RIOK1: variants seen among roughly 807,000 people sequenced by gnomAD.
The protein encoded by RIOK1 is RIO kinase 1, also known as serine/threonine-protein kinase RIO1.
A neutral mutation model predicts 73.5 loss-of-function variants in RIOK1; 66 were observed. That is an observed-to-expected ratio of 0.90 (90% confidence interval 0.74 to 1.10). RIOK1 has a LOEUF of 1.10. Among genes scored for constraint, RIOK1 ranks in the 50% least tolerant of loss-of-function variants. The probability of loss-of-function intolerance (pLI) is 0.00; values close to 1 mark genes in which losing one functional copy is unlikely to be tolerated. For synonymous variants in RIOK1, 224 were observed against 226.8 expected (o/e 0.99, Z 0.11); for missense variants, 658 against 699.8 (o/e 0.94, Z 0.67).
chr6:7,404,433 G>C lies in RIOK1; in HGVS notation c.870G>C (p.Leu290Phe). The C allele has an allele frequency of 6.2e-7, 1 of 1,614,106 alleles. No individual in the cohort carries two copies. The highest frequency in any genetic ancestry group is 8.5e-7 in the Non-Finnish European group (1 of 1,180,016). ...TTCATTCAAGGCCTGCACCACTCTT[G>C]AAAAATGTCCAGTTATCAGAATCCA... ...IGKDDMPAPL[L>F]KNVQLSESKA... is the part of the protein sequence containing the mutation. The change falls in exon 10 of 17, where the codon TTG becomes TTC. Residue 290 changes from leucine to phenylalanine, a missense_variant. By Grantham distance (22) the Leu-to-Phe change is conservative. Coordinates refer to ENST00000379834, the MANE Select transcript of RIOK1 (RefSeq NM_031480.3).
At chr6:7,410,636 A>G (rs994484160) in intron 13 of RIOK1, among the ~76,000 whole-genome samples, 185 bp downstream of exon 13, 2 of 152,150 alleles carry the variant, frequency 1.3e-5, no homozygotes, top group Non-Finnish European at 2.9e-5. Flanking sequence ...TTTACATTTC[A>G]CTGTATTGGT....
rs1447139701 is a variant in RIOK1 at position 7,404,020 on chromosome 6, G to A, written c.847G>A (p.Asp283Asn). 1 of 1,606,440 alleles carries A rather than the reference G, an allele frequency of 6.2e-7. No homozygotes were observed. The highest frequency in any genetic ancestry group is 1.1e-5 in the South Asian group (1 of 90,860). Residue 283 changes from aspartate (D) to asparagine (N), a missense_variant, in exon 9 of 17, where the codon GAT (aspartate) becomes AAT (asparagine). Transcript: ENST00000379834. ...HVLVMSFIGKDDMPAPLLKNV... is the reference protein window; with the variant it reads ...HVLVMSFIGKNDMPAPLLKNV... ...TCTTGTCATGAGTTTCATCGGTAAAGATGACATGTAAGTACATGGAAGGGC... is the reference window on the plus strand; with the variant it reads ...TCTTGTCATGAGTTTCATCGGTAAAAATGACATGTAAGTACATGGAAGGGC...
chr6:7,393,230 A>G lies in RIOK1; in HGVS notation c.203A>G (p.Asp68Gly), dbSNP rs767983986. 60 of 1,613,872 alleles carry G rather than the reference A, an allele frequency of 3.7e-5. No individual in the cohort carries two copies. Among genetic ancestry groups the G allele is most frequent in the Non-Finnish European group, 5.1e-5 (60 of 1,179,892 alleles). Reference protein sequence around the residue: ...EEEEGYDDDDDDWDWDEGVGK... With the variant: ...EEEEGYDDDDGDWDWDEGVGK... ...GAGGAGGGTTATGACGATGATGATG[A>G]TGACTGGGACTGGGATGAAGGAGTT... Residue 68 changes from aspartate (D) to glycine (G), a missense_variant, in exon 2 of 17, where the codon GAT (aspartate) becomes GGT (glycine). By Grantham distance (94) the Asp-to-Gly change is moderately conservative. Transcript: ENST00000379834.
chr6:7,396,611 GA>G (rs1400952405), intron 3 of RIOK1, 91 bp from the exon 4 acceptor site: 19 of 678,358 alleles, frequency 2.8e-5, no homozygotes, highest in Non-Finnish European at 4.7e-5. Flanking sequence ...GTGTAGAAGA[GA>G]AGGAAGAGGG....
chr6:7,416,643 C>CAAAA (rs34401192), intron 16 of RIOK1, among the ~76,000 whole-genome samples: 2 of 113,520 alleles, frequency 1.8e-5, no homozygotes, highest in South Asian at 2.8e-4. Flanking sequence ...GACTCCGTCT[C>CAAAA]AAAAAAAAAA....
intron 3 of RIOK1, among the ~76,000 whole-genome samples, chr6:7,395,570 A>G (rs1761454185): frequency 6.6e-6 from 1 of 152,096 alleles, no homozygotes; most frequent in African/African-American, 2.4e-5. Flanking sequence ...TAACTCAATA[A>G]TGTTTAGAGA....
At position 7,417,412 on chromosome 6, in the gene RIOK1, A is replaced by G; in HGVS notation, c.1678A>G (p.Lys560Glu). 1 of 1,562,246 alleles carries G rather than the reference A, an allele frequency of 6.4e-7. No individual in the cohort carries two copies. The highest frequency in any genetic ancestry group is 8.7e-7 in the Non-Finnish European group (1 of 1,153,642). The change falls in exon 17 of 17, where the codon AAG becomes GAG. Residue 560 changes from lysine to glutamate, a missense_variant. Physicochemically the swap from Lys to Glu is moderately conservative, Grantham distance 56. Transcript: ENST00000379834. ...TAAACATGTGAAAAAAAGAAAGGAG[A>G]AGACAGCCAAGACGAAAAAAGGCAA... ...IPKHVKKRKE[K>E]TAKTKKGK
At chr6:7,390,604 G>T (rs933452803) in intron 1 of RIOK1, among the ~76,000 whole-genome samples, 1 of 152,194 alleles carries the variant, frequency 6.6e-6, no homozygotes, top group Non-Finnish European at 1.5e-5. Context: ...GAATGACAAG[G>T]AGCTAATCCT....
At chr6:7,397,462 G>A (rs1397697598) in intron 4 of RIOK1, among the ~76,000 whole-genome samples, 1 of 152,020 alleles carries the variant, frequency 6.6e-6, no homozygotes, top group Non-Finnish European at 1.5e-5. Flanking sequence ...AAAATTTAAG[G>A]GAAGACTATG....
chr6:7,410,531 A>G, intron 13 of RIOK1, 80 bp downstream of exon 13: 1 of 873,116 alleles, frequency 1.1e-6, no homozygotes, highest in Non-Finnish European at 1.9e-6. Context: ...TAGAGCATAA[A>G]CTTGATTTAA....
chr6:7,404,695 CT>C, intron 10 of RIOK1, 140 bp downstream of exon 10: 1 of 1,149,950 alleles, frequency 8.7e-7, no homozygotes, highest in Non-Finnish European at 1.2e-6. Flanking sequence ...GATAGGATTC[CT>C]TTTTTCAGTG....
chr6:7,416,686 G>T (rs1339684897), intron 16 of RIOK1, among the ~76,000 whole-genome samples: 1 of 151,866 alleles, frequency 6.6e-6, no homozygotes, highest in East Asian at 1.9e-4. Context: ...CGGTTATGGT[G>T]GCTCATGCCT....
In RIOK1 at chr6:7,402,872, GA is replaced by G; in HGVS notation, c.747del (p.Glu250LysfsTer2). ...TAGGAAAATGGTGAAAACTTGGGCAGAAAAAGAAATGAGGAACTTAATCAGG... is the reference window on the plus strand; with the variant it reads ...TAGGAAAATGGTGAAAACTTGGGCAGAAAAGAAATGAGGAACTTAATCAGG... Reference protein sequence around the residue: ...NPRKMVKTWAEKEMRNLIRLN... With the variant: ...NPRKMVKTWAXKEMRNLIRLN... On this transcript the variant is annotated frameshift_variant, in exon 8 of 17. Transcript: ENST00000379834. LOFTEE classifies it high-confidence loss of function. The G allele has an allele frequency of 6.2e-7, 1 of 1,613,948 alleles. No individual in the cohort carries two copies. The highest frequency in any genetic ancestry group is 1.1e-5 in the South Asian group (1 of 91,054).
At chr6:7,408,747 G>A (rs982849864) in intron 12 of RIOK1, among the ~76,000 whole-genome samples, 2 of 148,470 alleles carry the variant, frequency 1.3e-5, no homozygotes, top group African/African-American at 5.0e-5. Context: ...TTTAAATGGA[G>A]TTTCCCTCTT....
Position 7,414,207 on chromosome 6 carries a change from T to C in RIOK1, c.1444-31T>C. 5 of 1,582,152 alleles carry C rather than the reference T, an allele frequency of 3.2e-6. No homozygotes were observed. In the South Asian group the frequency reaches 3.5e-5, roughly 11 times the overall value. ...CACATAACTTGGTTTGTGTGTTGTT[T>C]AGAATAACATGGTTCTTTAATAATT... On this transcript the variant is annotated intron_variant, in intron 15 of 16. Transcript: ENST00000379834.
chr6:7,412,742 G>T (rs1224705721), intron 14 of RIOK1, 147 bp from the exon 15 acceptor site: 4 of 399,420 alleles, frequency 1.0e-5, no homozygotes, highest in African/African-American at 8.4e-5. Context: ...TAAACTTCCT[G>T]TGTTACAGTG....
At chr6:7,401,844 A>G (rs1761621757) in intron 6 of RIOK1, among the ~76,000 whole-genome samples, 1 of 151,858 alleles carries the variant, frequency 6.6e-6, no homozygotes, top group Non-Finnish European at 1.5e-5. Flanking sequence ...ACACTCAGCT[A>G]ATTTTTGTAT....
intron 2 of RIOK1, 74 bp from the exon 3 acceptor site, chr6:7,394,979 A>C: frequency 6.3e-7 from 1 of 1,582,806 alleles, no homozygotes; most frequent in Non-Finnish European, 8.6e-7. Flanking sequence ...CTAAGTATGA[A>C]CTAAGGAAAT....
intron 12 of RIOK1, among the ~76,000 whole-genome samples, chr6:7,409,008 A>T (rs1761819419): frequency 6.7e-6 from 1 of 149,622 alleles, no homozygotes; most frequent in African/African-American, 2.5e-5. Flanking sequence ...GGTGTGAGCC[A>T]CCGCACCCGG....
Sources: allele counts gnomAD v4.1 joint callset (sites outside exome capture counted in the v4.1 genomes callset), GRCh38; gene constraint gnomAD v4.1.1; transcripts MANE v1.5; gene names NCBI Gene and HGNC (gene_info 2026-07-23, HGNC 2026-07-21).